PEBP4: variants seen among roughly 807,000 people sequenced by gnomAD.
The protein encoded by PEBP4 is phosphatidylethanolamine binding protein 4, also known as phosphatidylethanolamine-binding protein 4.
In PEBP4, 22 loss-of-function variants were observed where a neutral mutation model predicts 23.9. That is an observed-to-expected ratio of 0.92 (90% CI 0.66 to 1.31). PEBP4 has a LOEUF of 1.31. Ranked by LOEUF, PEBP4 falls within the 40% of genes most tolerant of loss-of-function variation. PEBP4 has a pLI of 0.00. For missense variants in PEBP4, 324 were observed against 281.7 expected (o/e 1.15, Z -1.07); for synonymous variants, 112 against 99.3 (o/e 1.13, Z -0.76).
At position 22,724,878 on chromosome 8, in the gene PEBP4, AC is replaced by A; in HGVS notation, c.481del (p.Val161SerfsTer21). Reference sequence around the variant, plus strand: ...GTTTTCCTTGGGAAGGAGAGAGATGACTTTTCCTTCCTGAAGATAGACAAAG... The same window carrying A: ...GTTTTCCTTGGGAAGGAGAGAGATGATTTTCCTTCCTGAAGATAGACAAAG... ...QFFVYLQEGK[V>X]ISLLPKENKT... On this transcript the variant is annotated frameshift_variant, in exon 6 of 7. Coordinates refer to ENST00000256404, the MANE Select transcript of PEBP4 (RefSeq NM_144962.3). LOFTEE classifies it low-confidence loss of function (END_TRUNC). 2.5e-6 allele frequency: 4 copies of A among 1,614,038 alleles called. No homozygotes were observed. The highest frequency in any genetic ancestry group is 3.4e-6 in the Non-Finnish European group (4 of 1,179,922).
intron 3 of PEBP4, among the ~76,000 whole-genome samples, chr8:22,855,639 G>A (rs771515586): frequency 6.6e-6 from 1 of 152,178 alleles, no homozygotes; most frequent in Non-Finnish European, 1.5e-5. Context: ...GTCCTTATGC[G>A]TGGGGAAGAC....
intron 3 of PEBP4, among the ~76,000 whole-genome samples, chr8:22,828,283 C>T (rs903854881): frequency 3.3e-5 from 5 of 152,180 alleles, no homozygotes; most frequent in African/African-American, 1.2e-4. Context: ...GCCTCAATCC[C>T]CATCTGTACA....
chr8:22,777,665 G>C (rs958663713), intron 4 of PEBP4, among the ~76,000 whole-genome samples: 1 of 152,170 alleles, frequency 6.6e-6, no homozygotes, highest in Non-Finnish European at 1.5e-5. Flanking sequence ...AGAGCCGGGG[G>C]TGGTGGCTGG....
chr8:22,914,839 G>A (rs188114191), intron 3 of PEBP4, among the ~76,000 whole-genome samples: 1 of 152,212 alleles, frequency 6.6e-6, no homozygotes, highest in African/African-American at 2.4e-5. Context: ...AAAAAACCCA[G>A]TGCTTCTCTG....
intron 4 of PEBP4, among the ~76,000 whole-genome samples, chr8:22,732,586 A>G (rs777049177): frequency 6.6e-6 from 1 of 152,154 alleles, no homozygotes. Flanking sequence ...AAAGAAATGA[A>G]AAGAAAAAGA....
intron 4 of PEBP4, among the ~76,000 whole-genome samples, chr8:22,813,258 G>C (rs1388937427): frequency 6.6e-6 from 1 of 152,176 alleles, no homozygotes; most frequent in African/African-American, 2.4e-5. Context: ...CTGAATGAAA[G>C]GGAACCATGA....
chr8:22,769,152 C>T (rs924166916), intron 4 of PEBP4, among the ~76,000 whole-genome samples: 2 of 152,222 alleles, frequency 1.3e-5, no homozygotes, highest in African/African-American at 4.8e-5. Flanking sequence ...CCCCTGGGAG[C>T]TCTCAGCCAG....
chr8:22,777,722 C>G (rs1805841382), intron 4 of PEBP4, among the ~76,000 whole-genome samples: 1 of 152,268 alleles, frequency 6.6e-6, no homozygotes, highest in African/African-American at 2.4e-5. Context: ...AAGCCCCCAG[C>G]CTTCCTCTTG....
In PEBP4 at chr8:22,775,278, G is replaced by C. The variant is rs140972536; in HGVS notation, c.357+42359C>G. ...TCTTTCAGGGACCCGGAAGCCCCAA[G>C]CATCTGGCAAGGAGGGTTCCTGAGG... On this transcript the variant is annotated intron_variant, in intron 4 of 6. Coordinates refer to ENST00000256404, the MANE Select transcript of PEBP4 (RefSeq NM_144962.3). This position sits in a 1 kb window ranked among gnomAD's most constrained non-coding sequence, Gnocchi z 4.8. Among the ~76,000 whole-genome samples, 3 of 152,190 alleles carry C rather than the reference G, an allele frequency of 2.0e-5. No homozygotes were observed. Among genetic ancestry groups the C allele is most frequent in the African/African-American group, 7.2e-5 (3 of 41,434 alleles).
chr8:22,925,937 C>T (rs555430823), intron 2 of PEBP4, among the ~76,000 whole-genome samples: 92 of 152,296 alleles, frequency 6.0e-4, no homozygotes, highest in African/African-American at 2.1e-3. Context: ...CCTCCTTCCA[C>T]GTGAAAACTT....
rs79520749 is a variant in PEBP4 at position 22,903,143 on chromosome 8, C to G, written c.258+17041G>C. The stretch of plus-strand genomic sequence containing the variant: ...AAGCAAGAAGAATCACCCCGGAAAC[C>G]GCGAAATGTTGAGAGCAGGACTCAT... On this transcript the variant is annotated intron_variant, in intron 3 of 6. Coordinates refer to ENST00000256404, the MANE Select transcript of PEBP4 (RefSeq NM_144962.3). 1.7e-3 allele frequency among the ~76,000 whole-genome samples: 264 copies of G among 152,222 alleles called. 4 individuals are homozygous for G. The East Asian group carries it at 0.042, about 24-fold the overall frequency.
At chr8:22,871,143 AAAG>A (rs1807999122) in intron 3 of PEBP4, among the ~76,000 whole-genome samples, 1 of 152,140 alleles carries the variant, frequency 6.6e-6, no homozygotes, top group Non-Finnish European at 1.5e-5. Flanking sequence ...GTGGGTGGAA[AAAG>A]AAGCAGGAAG....
chr8:22,775,966 T>A lies in PEBP4; in HGVS notation c.357+41671A>T, dbSNP rs1313150038. 6.6e-6 allele frequency among the ~76,000 whole-genome samples: 1 copy of A among 151,656 alleles called. No homozygotes were observed. The highest frequency in any genetic ancestry group is 1.9e-4 in the East Asian group (1 of 5,130). On this transcript the variant is annotated intron_variant, in intron 4 of 6. Transcript: ENST00000256404. The surrounding 1 kb of genome is among the most constrained non-coding windows in gnomAD (Gnocchi z 4.8). Reference sequence around the variant, plus strand: ...TGGTCTGGGCTCACCCCTGGAACAATGGGGGTTGCAGATGCACACAGAGGG... The same window carrying A: ...TGGTCTGGGCTCACCCCTGGAACAAAGGGGGTTGCAGATGCACACAGAGGG...
At chr8:22,773,901 T>C (rs1017284380) in intron 4 of PEBP4, among the ~76,000 whole-genome samples, 4 of 151,496 alleles carry the variant, frequency 2.6e-5, no homozygotes, top group Admixed American at 6.6e-5. Context: ...GATGGGAGAG[T>C]TGGGAAGAAG....
intron 3 of PEBP4, among the ~76,000 whole-genome samples, chr8:22,873,874 T>C (rs1443982159): frequency 6.6e-6 from 1 of 151,806 alleles, no homozygotes; most frequent in Non-Finnish European, 1.5e-5. Flanking sequence ...GATTTAAGAG[T>C]TCCCCCAGTG....
intron 3 of PEBP4, among the ~76,000 whole-genome samples, chr8:22,899,570 C>T (rs1333621094): frequency 2.0e-5 from 3 of 152,132 alleles, no homozygotes; most frequent in Non-Finnish European, 2.9e-5. Context: ...CTGGAACCTG[C>T]GACTCACCCC....
At chr8:22,834,553 C>T (rs1807160481) in intron 3 of PEBP4, among the ~76,000 whole-genome samples, 1 of 152,210 alleles carries the variant, frequency 6.6e-6, no homozygotes, top group Admixed American at 6.5e-5. Context: ...ATCAGAGATC[C>T]TCCTCCCTTG....
At chr8:22,771,605 C>T (rs958370769) in intron 4 of PEBP4, among the ~76,000 whole-genome samples, 2 of 152,222 alleles carry the variant, frequency 1.3e-5, no homozygotes, top group African/African-American at 4.8e-5. Context: ...CCGTGCTTGG[C>T]ACCATTCAGG....
chr8:22,828,274 C>T (rs911837484), intron 3 of PEBP4, among the ~76,000 whole-genome samples: 1 of 152,168 alleles, frequency 6.6e-6, no homozygotes, highest in African/African-American at 2.4e-5. Flanking sequence ...TGGTTTCCGG[C>T]CTCAATCCCC....
Sources: allele counts gnomAD v4.1 joint callset (sites outside exome capture counted in the v4.1 genomes callset), GRCh38; gene constraint gnomAD v4.1.1; non-coding constraint Gnocchi (gnomAD v3.1); transcripts MANE v1.5; gene names NCBI Gene and HGNC (gene_info 2026-07-23, HGNC 2026-07-21).